RARB: variants seen among roughly 807,000 people sequenced by gnomAD.
RARB encodes HBV-activated protein.
In RARB, 17 loss-of-function variants were observed where a neutral mutation model predicts 51.9. The ratio of observed to expected loss-of-function variants is 0.33; its 90% CI spans 0.22 to 0.49. The LOEUF (loss-of-function observed/expected upper bound fraction) is 0.49. RARB is among the 20% of genes least tolerant of loss of function. The pLI is 0.99. For missense variants in RARB, 369 were observed against 550.8 expected (o/e 0.67, Z 3.30); for synonymous variants, 215 against 195.4 (o/e 1.10, Z -0.84).
chr3:25,531,720 CT>C (rs201980236), intron 3 of RARB, among the ~76,000 whole-genome samples: 138 of 114,696 alleles, frequency 1.2e-3, no homozygotes, highest in African/African-American at 6.3e-3. Context: ...GATATAGACA[CT>C]TTAAAAAAAA....
intron 2 of RARB, among the ~76,000 whole-genome samples, chr3:24,995,269 T>C (rs1696997662): frequency 6.6e-6 from 1 of 152,054 alleles, no homozygotes; most frequent in Non-Finnish European, 1.5e-5. Context: ...ATTGCCTTTT[T>C]TATGTCTTTT....
At chr3:25,084,456 A>G (rs1368518467) in intron 3 of RARB, among the ~76,000 whole-genome samples, 2 of 151,710 alleles carry the variant, frequency 1.3e-5, no homozygotes, top group African/African-American at 2.4e-5. Flanking sequence ...TTAAAGTTTT[A>G]TTTTGTTGAC....
chr3:24,856,029 C>T (rs141061228), intron 1 of RARB, among the ~76,000 whole-genome samples: 4 of 151,942 alleles, frequency 2.6e-5, no homozygotes, highest in East Asian at 1.9e-4. Context: ...GGATTACAGG[C>T]GTGAACCACT....
intron 2 of RARB, among the ~76,000 whole-genome samples, chr3:24,986,818 C>T (rs948522241): frequency 1.3e-5 from 2 of 152,084 alleles, no homozygotes; most frequent in African/African-American, 2.4e-5. Context: ...CTCCTGATTG[C>T]TGTGCGGTGA....
intron 5 of RARB, among the ~76,000 whole-genome samples, chr3:25,194,745 A>G (rs1005052936): frequency 6.6e-6 from 1 of 151,846 alleles, no homozygotes; most frequent in Non-Finnish European, 1.5e-5. Context: ...GCATTCTGGA[A>G]TCAAATAAAT....
chr3:25,346,364 T>G (rs1705393698), intron 5 of RARB, among the ~76,000 whole-genome samples: 1 of 152,202 alleles, frequency 6.6e-6, no homozygotes, highest in African/African-American at 2.4e-5. Context: ...TTTGTGTCTT[T>G]TATAGTCATC....
At chr3:25,398,333 G>T (rs1042059704) in intron 5 of RARB, among the ~76,000 whole-genome samples, 1 of 152,012 alleles carries the variant, frequency 6.6e-6, no homozygotes, top group Admixed American at 6.6e-5. Context: ...CATTATTATC[G>T]ATAAAAGTTA....
chr3:25,252,747 G>C (rs180816239), intron 5 of RARB, among the ~76,000 whole-genome samples: 1 of 151,880 alleles, frequency 6.6e-6, no homozygotes, highest in Admixed American at 6.6e-5. Context: ...AAATTTTTTT[G>C]TGGAAGGACT....
intron 3 of RARB, among the ~76,000 whole-genome samples, chr3:25,089,626 C>T (rs1699162166): frequency 6.6e-6 from 1 of 152,036 alleles, no homozygotes; most frequent in Admixed American, 6.6e-5. Flanking sequence ...TTCATTTTTT[C>T]ATGCGCCTAT....
chr3:25,419,214 T>C (rs1310046681), intron 5 of RARB, among the ~76,000 whole-genome samples: 1 of 152,122 alleles, frequency 6.6e-6, no homozygotes, highest in Non-Finnish European at 1.5e-5. Context: ...TTCTTATGTA[T>C]ACAGGGAGGG....
rs539594522 is a variant in RARB at position 25,176,135 on chromosome 3, A to T, written c.178+1560A>T. Among the ~76,000 whole-genome samples the T allele has an allele frequency of 2.9e-3, 436 of 152,166 alleles. 1 individual carries two copies. Among genetic ancestry groups the T allele is most frequent in the African/African-American group, 0.01 (420 of 41,524 alleles). On this transcript the variant is annotated intron_variant, in intron 5 of 11. Coordinates refer to the RARB transcript ENST00000383772. ...CTGAGATCAGAAGCATATTTTGTAG[A>T]TGTAGCCAAGAAGTTGAGATATGAG...
intron 3 of RARB, among the ~76,000 whole-genome samples, chr3:25,079,669 G>A (rs962795681): frequency 1.8e-4 from 28 of 152,222 alleles, no homozygotes; most frequent in Admixed American, 9.8e-4. Flanking sequence ...CTCTGTTAAT[G>A]TGATGAATAA....
At chr3:25,558,529 CTTTTT>C (rs55699410) in intron 3 of RARB, among the ~76,000 whole-genome samples, 12 of 129,506 alleles carry the variant, frequency 9.3e-5, no homozygotes, top group Non-Finnish European at 1.1e-4. Flanking sequence ...GTTCCTGGCC[CTTTTT>C]TTTTTTTTTT....
intron 2 of RARB, among the ~76,000 whole-genome samples, chr3:25,469,622 A>G (rs73147407): frequency 0.029 from 4,433 of 152,310 alleles, 212 homozygotes; most frequent in African/African-American, 0.1. Flanking sequence ...TAATCTGCCA[A>G]CCATGGAGGA....
Position 24,853,931 on chromosome 3 carries a change from C to CA in RARB, c.-458-4741dup, listed in dbSNP as rs1214984890. On this transcript the variant is annotated intron_variant, in intron 1 of 11. Coordinates refer to the RARB transcript ENST00000383772. ...GTGGTTATGGAAGTGCAAGTACATT[C>CA]AAGACCCACCGATTCCCAATTATGT... Among the ~76,000 whole-genome samples, 4 of 152,184 alleles carry CA rather than the reference C, an allele frequency of 2.6e-5. No individual in the cohort carries two copies. The East Asian group carries it at 7.7e-4, about 29-fold the overall frequency.
intron 3 of RARB, among the ~76,000 whole-genome samples, chr3:25,085,351 G>A (rs1035883023): frequency 2.0e-5 from 3 of 152,024 alleles, no homozygotes; most frequent in African/African-American, 4.8e-5. Flanking sequence ...TTAAATAGTG[G>A]ATATACTTTT....
intron 5 of RARB, among the ~76,000 whole-genome samples, chr3:25,275,969 A>G (rs1703371924): frequency 6.6e-6 from 1 of 152,240 alleles, no homozygotes; most frequent in African/African-American, 2.4e-5. Flanking sequence ...TTATCTTAGA[A>G]TGAGCAGCAA....
At chr3:25,010,400 T>G (rs1697369103) in intron 2 of RARB, among the ~76,000 whole-genome samples, 1 of 152,156 alleles carries the variant, frequency 6.6e-6, no homozygotes, top group African/African-American at 2.4e-5. Flanking sequence ...AAAAAACCAT[T>G]TGTGTAATAA....
At chr3:25,001,226 A>G (rs1575113180) in intron 2 of RARB, among the ~76,000 whole-genome samples, 2 of 152,288 alleles carry the variant, frequency 1.3e-5, no homozygotes. Flanking sequence ...AAAAATTACA[A>G]TGTCTTTAAC....
Sources: gnomAD v4.1 joint callset for allele counts (sites outside exome capture counted in the v4.1 genomes callset) on GRCh38, gnomAD v4.1.1 for gene constraint, MANE v1.5 for transcripts, NCBI Gene and HGNC (gene_info 2026-07-23, HGNC 2026-07-21) for gene names.